Variants in DYRK1A observed in about 807,000 individuals in gnomAD.
The protein encoded by DYRK1A is dual specificity tyrosine phosphorylation regulated kinase 1A.
In DYRK1A, 9 loss-of-function variants were observed where a neutral mutation model predicts 79.7. That is an observed-to-expected ratio of 0.11 (90% CI 0.07 to 0.20). The LOEUF is 0.20. DYRK1A is among the 10% of genes least tolerant of loss of function. The pLI is 1.00. For missense variants in DYRK1A, 622 were observed against 956.0 expected, an observed-to-expected ratio of 0.65 and a Z score of 4.61; for synonymous variants, 349 against 329.7, an observed-to-expected ratio of 1.06 and a Z score of -0.63.
rs1395413568 is a variant in DYRK1A, at chr21:37,514,051, C to A, written c.*1520C>A. 6.6e-6 allele frequency: 1 copy of A among 152,654 alleles called. No individual in the cohort carries two copies. 9.5% of individuals were successfully genotyped at this position (152,654 alleles called of 1,614,324 possible). A position where few individuals can be genotyped will look rare whatever the true frequency, so the allele number is the denominator to read the frequency against. On this transcript the variant is annotated 3_prime_UTR_variant, in exon 12 of 12. Coordinates refer to ENST00000647188, the MANE Select transcript of DYRK1A (RefSeq NM_001347721.2). The stretch of plus-strand genomic sequence containing the variant: ...TAATTCAAGATTACAACATCTGTTA[C>A]ATTCTAAGTGTGTTCAGGCTTCTGA...
Position 37,512,516 on chromosome 21 carries a change from T to C in DYRK1A, c.2250T>C (p.Pro750=). 6.2e-7 allele frequency: 1 copy of C among 1,610,532 alleles called. No homozygotes were observed. Among genetic ancestry groups the C allele is most frequent in the East Asian group, 2.2e-5 (1 of 44,778 alleles). Residue 750 remains proline (P), a synonymous_variant, in exon 12 of 12, where the codon CCT becomes CCC. Transcript: ENST00000647188. ...PMTGVCVQQS[P]VASS The stretch of plus-strand genomic sequence containing the variant: ...CAGGAGTTTGTGTGCAACAGAGTCC[T>C]GTAGCTAGCTCGTGACTACATTGAA...
At chr21:37,446,480 T>G (rs575043515) in intron 2 of DYRK1A, among the ~76,000 whole-genome samples, 1 of 152,348 alleles carries the variant, frequency 6.6e-6, no homozygotes, top group East Asian at 1.9e-4. Context: ...TTTCCCTATT[T>G]AATAAAGTAG....
chr21:37,368,529 A>G (rs1000251942), intron 1 of DYRK1A, among the ~76,000 whole-genome samples: 2 of 152,248 alleles, frequency 1.3e-5, no homozygotes, highest in African/African-American at 4.8e-5. Context: ...GGCACAGCGC[A>G]GGAATGCTAG....
chr21:37,466,744 G>A (rs1329715579), intron 2 of DYRK1A, among the ~76,000 whole-genome samples: 1 of 152,038 alleles, frequency 6.6e-6, no homozygotes, highest in African/African-American at 2.4e-5. Flanking sequence ...AACACTTTAA[G>A]TAGGAGATTT....
intron 1 of DYRK1A, chr21:37,368,111 G>GCCGGGCCGGA: frequency 6.5e-6 from 1 of 153,398 alleles, no homozygotes; most frequent in Non-Finnish European, 1.5e-5. Context: ...GCGGGGCCGG[G>GCCGGGCCGGA]CCGGGCCGGG....
At chr21:37,504,385 GC>G (rs2053536473) in intron 9 of DYRK1A, 1 of 152,226 alleles carries the variant, frequency 6.6e-6, no homozygotes, top group South Asian at 2.1e-4. Flanking sequence ...TGGCTTACTT[GC>G]GCCTTCTCCC....
intron 1 of DYRK1A, among the ~76,000 whole-genome samples, chr21:37,411,324 C>T (rs979939237): frequency 6.6e-6 from 1 of 152,056 alleles, no homozygotes; most frequent in Non-Finnish European, 1.5e-5. Flanking sequence ...CCATTGCACT[C>T]CAGCCTGAGT....
At position 37,480,528 on chromosome 21, in the gene DYRK1A, CT is replaced by C; in HGVS notation, c.301-109del. The C allele has an allele frequency of 3.7e-6, 3 of 805,654 alleles. 1 individual carries two copies. In the Middle Eastern group the frequency reaches 7.2e-4, roughly 193 times the overall value. 49.9% of individuals were successfully genotyped at this position (805,654 alleles called of 1,614,324 possible). ...TCATTGGTTAGATCAGTATTATTTT[CT>C]AACTCAAATGTCAACTGTAGAAAAT... is the stretch of plus-strand genomic sequence containing the variant. On this transcript the variant is annotated intron_variant, in intron 4 of 11. Coordinates refer to ENST00000647188, the MANE Select transcript of DYRK1A (RefSeq NM_001347721.2).
chr21:37,428,830 A>G (rs2050697692), intron 2 of DYRK1A: 2 of 105,518 alleles, frequency 1.9e-5, no homozygotes, highest in African/African-American at 7.2e-5. Context: ...AAAAGGTGAA[A>G]TTTAAGATTT....
intron 2 of DYRK1A, among the ~76,000 whole-genome samples, chr21:37,450,414 C>A (rs1028594604): frequency 6.6e-6 from 1 of 152,134 alleles, no homozygotes; most frequent in African/African-American, 2.4e-5. Context: ...ATTTTTATCA[C>A]GTTGTTAAGC....
chr21:37,458,916 GCC>G (rs1369435246), intron 2 of DYRK1A, among the ~76,000 whole-genome samples: 4 of 152,280 alleles, frequency 2.6e-5, no homozygotes, highest in Middle Eastern at 3.4e-3. Flanking sequence ...AGGAAGAGAA[GCC>G]CTCATCTCCT....
chr21:37,502,182 A>T (rs1317513955), intron 9 of DYRK1A: 1 of 152,124 alleles, frequency 6.6e-6, no homozygotes, highest in East Asian at 1.9e-4. Flanking sequence ...CTACCTTTAT[A>T]TTTAAAGAAT....
chr21:37,472,988 C>A, intron 3 of DYRK1A, 108 bp downstream of exon 3: 1 of 853,980 alleles, frequency 1.2e-6, no homozygotes. Flanking sequence ...GTTTTACATG[C>A]AACGTGGGAT....
chr21:37,433,949 T>C (rs2050850487), intron 2 of DYRK1A, among the ~76,000 whole-genome samples: 1 of 152,228 alleles, frequency 6.6e-6, no homozygotes, highest in African/African-American at 2.4e-5. Context: ...CTTCTAGTTT[T>C]AGAGTTATTG....
intron 1 of DYRK1A, among the ~76,000 whole-genome samples, chr21:37,394,402 C>T (rs1380737505): frequency 1.3e-5 from 2 of 152,078 alleles, no homozygotes; most frequent in Non-Finnish European, 2.9e-5. Flanking sequence ...TTGAACTGTA[C>T]TCATCTTGAT....
chr21:37,417,536 T>TTTTTC (rs1569304631), intron 1 of DYRK1A, among the ~76,000 whole-genome samples: 264 of 105,054 alleles, frequency 2.5e-3, no homozygotes, highest in Non-Finnish European at 4.0e-3. Flanking sequence ...TTTCTTTTTT[T>TTTTTC]TTTTTTTTTT....
intron 9 of DYRK1A, chr21:37,502,227 G>A (rs977484277): frequency 6.6e-6 from 1 of 151,996 alleles, no homozygotes; most frequent in Non-Finnish European, 1.5e-5. Context: ...TGATCAAGTC[G>A]TTTTTTTAAT....
intron 2 of DYRK1A, among the ~76,000 whole-genome samples, chr21:37,457,037 C>CTTACTTATTTATTTAT (rs1035437095): frequency 4.4e-4 from 26 of 59,246 alleles, no homozygotes; most frequent in South Asian, 3.7e-3. Flanking sequence ...TACTTACTTA[C>CTTACTTATTTATTTAT]TTATTTATTT....
In DYRK1A at chr21:37,466,359, T is replaced by C. The variant is rs1006351613; in HGVS notation, c.11-6325T>C. Among the ~76,000 whole-genome samples the C allele has an allele frequency of 3.1e-4, 47 of 152,196 alleles. 2 individuals are homozygous for C. The highest frequency in any genetic ancestry group is 1.3e-4 in the Admixed American group (2 of 15,284). ...CAAGGATGCATAATCTTTTGTAATA[T>C]TGTAATATATAAGGTAACTAAAAAA... On this transcript the variant is annotated intron_variant, in intron 2 of 11. Coordinates refer to ENST00000647188, the MANE Select transcript of DYRK1A (RefSeq NM_001347721.2).
Sources: gnomAD v4.1 joint callset for allele counts (sites outside exome capture counted in the v4.1 genomes callset) on GRCh38, gnomAD v4.1.1 for gene constraint, MANE v1.5 for transcripts, NCBI Gene and HGNC (gene_info 2026-07-23, HGNC 2026-07-21) for gene names.